FBXL17: variants seen among roughly 807,000 people sequenced by gnomAD.
The protein encoded by FBXL17 is F-box/LRR-repeat protein 17.
In FBXL17, 22 loss-of-function variants were observed where a neutral mutation model predicts 66.2. The observed-to-expected ratio is 0.33, with a 90% CI of 0.24 to 0.47. The LOEUF (loss-of-function observed/expected upper bound fraction) is 0.47. Ranked by LOEUF, FBXL17 falls within the 20% of genes least tolerant of loss-of-function variation. The pLI is 1.00. For missense variants in FBXL17, 878 were observed against 948.2 expected, an observed-to-expected ratio of 0.93 and a Z score of 0.97; for synonymous variants, 474 against 400.5, an observed-to-expected ratio of 1.18 and a Z score of -2.19.
chr5:108,269,562 G>C (rs1183469601), intron 4 of FBXL17, among the ~76,000 whole-genome samples: 1 of 151,874 alleles, frequency 6.6e-6, no homozygotes, highest in Admixed American at 6.6e-5. Context: ...CATAAAACTG[G>C]TGCACAAAAG....
chr5:108,218,873 AG>A (rs1450315634), intron 5 of FBXL17, among the ~76,000 whole-genome samples: 3 of 152,230 alleles, frequency 2.0e-5, no homozygotes, highest in African/African-American at 7.2e-5. Context: ...TCCATTCCAT[AG>A]GTTGTCTTTT....
chr5:107,899,776 C>A (rs539949180), intron 7 of FBXL17, among the ~76,000 whole-genome samples: 3 of 152,002 alleles, frequency 2.0e-5, no homozygotes, highest in Non-Finnish European at 4.4e-5. Context: ...ACTGTATTTA[C>A]CATTGAGTAA....
chr5:108,284,977 T>C (rs570370880), intron 4 of FBXL17, among the ~76,000 whole-genome samples: 1 of 152,002 alleles, frequency 6.6e-6, no homozygotes, highest in South Asian at 2.1e-4. Context: ...AGAGTAAAAA[T>C]TGAAGTAAAT....
chr5:108,006,506 T>G (rs755271553), intron 7 of FBXL17, among the ~76,000 whole-genome samples: 8 of 152,200 alleles, frequency 5.3e-5, no homozygotes, highest in Non-Finnish European at 7.3e-5. Flanking sequence ...CAGTAGTGGT[T>G]ATGACGAAGT....
intron 5 of FBXL17, among the ~76,000 whole-genome samples, chr5:108,205,127 C>T (rs1303606792): frequency 1.3e-5 from 2 of 151,828 alleles, no homozygotes; most frequent in African/African-American, 4.8e-5. Flanking sequence ...CTCTAAAAGT[C>T]ACATCCTTTA....
At chr5:108,126,463 T>A (rs915810943) in intron 6 of FBXL17, among the ~76,000 whole-genome samples, 2 of 151,968 alleles carry the variant, frequency 1.3e-5, no homozygotes, top group African/African-American at 4.8e-5. Context: ...CTATATTTAC[T>A]TCAGATTAAA....
intron 7 of FBXL17, among the ~76,000 whole-genome samples, chr5:107,929,188 G>C (rs1320618083): frequency 2.0e-5 from 3 of 152,120 alleles, no homozygotes; most frequent in Non-Finnish European, 4.4e-5. Flanking sequence ...AAAGTCTTCA[G>C]AGAATAATTC....
At chr5:107,894,290 G>C (rs1749299728) in intron 7 of FBXL17, among the ~76,000 whole-genome samples, 2 of 152,188 alleles carry the variant, frequency 1.3e-5, no homozygotes, top group Non-Finnish European at 2.9e-5. Flanking sequence ...GGAAGAAGCA[G>C]CCTGTAATTA....
chr5:107,905,750 C>G (rs924304291), intron 7 of FBXL17, among the ~76,000 whole-genome samples: 1 of 152,162 alleles, frequency 6.6e-6, no homozygotes. Context: ...AAGACTTTGT[C>G]CATCTGGAAT....
At chr5:107,976,903 G>A (rs956559813) in intron 7 of FBXL17, among the ~76,000 whole-genome samples, 1 of 152,148 alleles carries the variant, frequency 6.6e-6, no homozygotes, top group Non-Finnish European at 1.5e-5. Flanking sequence ...AATATACTAA[G>A]ACAATGAGAT....
At chr5:108,279,843 T>TA (rs1239202147) in intron 4 of FBXL17, among the ~76,000 whole-genome samples, 9 of 151,752 alleles carry the variant, frequency 5.9e-5, no homozygotes, top group African/African-American at 1.2e-4. Context: ...CAAAAAATTT[T>TA]AAAAAAAGAC....
In FBXL17 at chr5:107,958,139, G is replaced by GAA. The variant is rs35443814; in HGVS notation, c.1822+62784_1822+62785dup. Among the ~76,000 whole-genome samples, 7 of 137,766 alleles carry GAA rather than the reference G, an allele frequency of 5.1e-5. 1 individual carries two copies. Among genetic ancestry groups the GAA allele is most frequent in the African/African-American group, 5.3e-5 (2 of 37,550 alleles). 90.4% of individuals were successfully genotyped at this position (137,766 alleles called of 152,430 possible). A position where few individuals can be genotyped will look rare whatever the true frequency, so the allele number is the denominator to read the frequency against. On this transcript the variant is annotated intron_variant, in intron 7 of 8. Transcript: ENST00000542267. ...TTGGTACACAGAAATGGAGTAGCTT[G>GAA]AAAAAAAAAAAAGAAACATGAGTAA...
chr5:108,182,732 A>G (rs1334863405), intron 6 of FBXL17, among the ~76,000 whole-genome samples: 1 of 152,246 alleles, frequency 6.6e-6, no homozygotes, highest in Admixed American at 6.5e-5. Context: ...GTTTGAGTAC[A>G]TGAAGCCTAA....
intron 6 of FBXL17, among the ~76,000 whole-genome samples, chr5:108,073,495 C>T (rs933959023): frequency 5.9e-5 from 9 of 152,058 alleles, no homozygotes; most frequent in Admixed American, 4.6e-4. Context: ...AAAAATATTA[C>T]ACATGAAGAA....
At chr5:107,931,928 A>G (rs1364102314) in intron 7 of FBXL17, among the ~76,000 whole-genome samples, 2 of 152,268 alleles carry the variant, frequency 1.3e-5, no homozygotes, top group East Asian at 3.9e-4. Context: ...CCTCAGAATC[A>G]CTAGCTTATT....
chr5:108,191,413 G>A (rs116387737), intron 5 of FBXL17, among the ~76,000 whole-genome samples: 2,309 of 152,242 alleles, frequency 0.015, 55 homozygotes, highest in African/African-American at 0.053. Flanking sequence ...CACATTCTAT[G>A]TTATGTACAT....
intron 7 of FBXL17, among the ~76,000 whole-genome samples, chr5:107,892,471 A>G (rs1271499234): frequency 6.6e-6 from 1 of 152,140 alleles, no homozygotes; most frequent in East Asian, 1.9e-4. Context: ...AAATTTTTCA[A>G]CATTATGCAA....
intron 8 of FBXL17, chr5:107,878,860 C>G (rs1291997632): frequency 1.0e-6 from 1 of 985,508 alleles, no homozygotes; most frequent in East Asian, 1.1e-4. Flanking sequence ...GGTCCAGCAT[C>G]TCCCTGGGCT....
chr5:107,955,092 A>G (rs1430367355), intron 7 of FBXL17, among the ~76,000 whole-genome samples: 3 of 152,148 alleles, frequency 2.0e-5, no homozygotes, highest in Admixed American at 6.5e-5. Flanking sequence ...ACAATTTCTT[A>G]GAAAAATAAA....
Sources: gnomAD v4.1 joint callset for allele counts (sites outside exome capture counted in the v4.1 genomes callset) on GRCh38, gnomAD v4.1.1 for gene constraint, MANE v1.5 for transcripts, NCBI Gene and HGNC (gene_info 2026-07-23, HGNC 2026-07-21) for gene names.